NLRP8: variants seen among roughly 807,000 people sequenced by gnomAD.
NLRP8 encodes the protein NACHT, LRR and PYD domains-containing protein 8.
NLRP8 carries 86 observed loss-of-function variants against 88.7 expected under a neutral mutation model. That is an observed-to-expected ratio of 0.97 (90% CI 0.81 to 1.16). The LOEUF (loss-of-function observed/expected upper bound fraction) is 1.16, where lower values mean the gene tolerates loss of function less well. Among genes scored for constraint, NLRP8 ranks in the 50% most tolerant of loss-of-function variants. The probability of loss-of-function intolerance (pLI) is 0.00; values close to 1 mark genes in which losing one functional copy is unlikely to be tolerated. For missense variants in NLRP8, 1,342 were observed against 1,286.5 expected (o/e 1.04, Z -0.66); for synonymous variants, 504 against 494.6 (o/e 1.02, Z -0.25).
chr19:55,971,064 G>A (rs306489), intron 6 of NLRP8, among the ~76,000 whole-genome samples: 54,506 of 151,616 alleles, frequency 0.36, 10,421 homozygotes, highest in Non-Finnish European at 0.43. Context: ...GGTTGATCAG[G>A]CTCCTTAATT....
At chr19:55,968,536 T>G (rs1452031387) in intron 5 of NLRP8, among the ~76,000 whole-genome samples, 3 of 150,716 alleles carry the variant, frequency 2.0e-5, no homozygotes, top group African/African-American at 7.3e-5. Flanking sequence ...AGGTCAGGAG[T>G]TTGAGACCAG....
chr19:55,967,317 A>G (rs1206271690), intron 5 of NLRP8, among the ~76,000 whole-genome samples: 1 of 152,186 alleles, frequency 6.6e-6, no homozygotes, highest in Non-Finnish European at 1.5e-5. Flanking sequence ...GGTTTTAACC[A>G]TCCTGACCTT....
Position 55,962,145 on chromosome 19 carries a change from C to T in NLRP8, c.2121C>T (p.Val707=). 1.2e-6 allele frequency: 2 copies of T among 1,614,150 alleles called. No homozygotes were observed. The highest frequency in any genetic ancestry group is 2.2e-5 in the East Asian group (1 of 44,880). The change falls in exon 4 of 10, where the codon GTC becomes GTT. Residue 707 remains valine (V), a synonymous_variant. Coordinates refer to ENST00000291971, the MANE Select transcript of NLRP8 (RefSeq NM_176811.2). Reference sequence around the variant, plus strand: ...TTGCAACGAATGATAAGCTGGAAGTCCTGACTATGACCAACAGTGTTTTGG... The same window carrying T: ...TTGCAACGAATGATAAGCTGGAAGTTCTGACTATGACCAACAGTGTTTTGG...
chr19:55,974,136 G>T (rs562921154), intron 7 of NLRP8, among the ~76,000 whole-genome samples: 1 of 151,210 alleles, frequency 6.6e-6, no homozygotes, highest in African/African-American at 2.4e-5. Context: ...CGACTACCTC[G>T]AGGTGTAAGA....
chr19:55,962,852 C>T (rs886748112), intron 4 of NLRP8, among the ~76,000 whole-genome samples: 1 of 152,218 alleles, frequency 6.6e-6, no homozygotes, highest in African/African-American at 2.4e-5. Context: ...CAGTCCCGCA[C>T]GTGAAGCCCA....
rs1980944548 is a variant in NLRP8, at chr19:55,988,182, A to T, written c.*269A>T. ...CGAGGTGGGCAGATTACCTGAGGTC[A>T]GGAGTTCCAGACCAGCCTGGCCAAC... On this transcript the variant is annotated 3_prime_UTR_variant, in exon 10 of 10. Transcript: ENST00000291971. 4.3e-6 allele frequency: 1 copy of T among 233,278 alleles called. No individual in the cohort carries two copies. Among genetic ancestry groups the T allele is most frequent in the South Asian group, 7.8e-5 (1 of 12,742 alleles). 14.5% of individuals were successfully genotyped at this position (233,278 alleles called of 1,614,324 possible).
chr19:55,973,629 A>G (rs368907838), intron 6 of NLRP8, 23 bp from the exon 7 acceptor site: 3 of 1,571,568 alleles, frequency 1.9e-6, no homozygotes, highest in African/African-American at 1.4e-5. Flanking sequence ...CCATTCAGTC[A>G]TCTGTGTGCT....
intron 9 of NLRP8, among the ~76,000 whole-genome samples, chr19:55,980,270 A>G (rs949137126): frequency 1.1e-4 from 17 of 152,198 alleles, no homozygotes; most frequent in African/African-American, 4.1e-4. Flanking sequence ...TGACTGAAAG[A>G]AAAGTCGCAC....
intron 8 of NLRP8, 55 bp downstream of exon 8, chr19:55,976,358 T>C: frequency 7.0e-7 from 1 of 1,425,456 alleles, no homozygotes; most frequent in Non-Finnish European, 9.3e-7. Context: ...TATAAGCGTC[T>C]CTCAGGATGG....
intron 9 of NLRP8, among the ~76,000 whole-genome samples, chr19:55,987,366 T>C (rs931663294): frequency 2.6e-5 from 4 of 152,226 alleles, no homozygotes; most frequent in African/African-American, 9.6e-5. Context: ...TGAGACTTCG[T>C]CTCAAGTAAA....
chr19:55,951,713 C>T (rs1979102271), intron 1 of NLRP8, among the ~76,000 whole-genome samples: 1 of 152,132 alleles, frequency 6.6e-6, no homozygotes, highest in African/African-American at 2.4e-5. Flanking sequence ...ATACCCAACA[C>T]AATGTAAATG....
At chr19:55,985,817 A>G (rs1258864542) in intron 9 of NLRP8, among the ~76,000 whole-genome samples, 1 of 152,182 alleles carries the variant, frequency 6.6e-6, no homozygotes, top group East Asian at 1.9e-4. Flanking sequence ...GGAGTTCGAG[A>G]TCAGTTTGGC....
intron 1 of NLRP8, among the ~76,000 whole-genome samples, chr19:55,949,937 C>G (rs1427459297): frequency 1.3e-5 from 2 of 152,038 alleles, no homozygotes; most frequent in Non-Finnish European, 1.5e-5. Flanking sequence ...CTAGGAAGTC[C>G]TCTTTGAGGA....
At chr19:55,960,924 C>T (rs1331289100) in intron 3 of NLRP8, among the ~76,000 whole-genome samples, 1 of 91,838 alleles carries the variant, frequency 1.1e-5, no homozygotes, top group Admixed American at 1.5e-4. Context: ...TTTTTTGAGA[C>T]AGAGTCTCAC....
chr19:55,976,408 A>C (rs1980326686), intron 8 of NLRP8, 105 bp downstream of exon 8: 2 of 983,578 alleles, frequency 2.0e-6, no homozygotes, highest in Admixed American at 6.9e-5. Flanking sequence ...AAGTTTCTGG[A>C]TTGTTCCCTC....
chr19:55,958,498 G>A (rs1979471506), intron 3 of NLRP8, among the ~76,000 whole-genome samples: 1 of 152,180 alleles, frequency 6.6e-6, no homozygotes, highest in Non-Finnish European at 1.5e-5. Flanking sequence ...CTACAGCCAG[G>A]AGGCCAAACC....
intron 5 of NLRP8, among the ~76,000 whole-genome samples, chr19:55,967,984 A>C (rs1481738641): frequency 2.0e-5 from 3 of 152,182 alleles, no homozygotes; most frequent in Non-Finnish European, 4.4e-5. Context: ...CATCATGATG[A>C]CTCCATTCTG....
At chr19:55,977,097 C>T (rs1466109674) in intron 8 of NLRP8, among the ~76,000 whole-genome samples, 2 of 145,602 alleles carry the variant, frequency 1.4e-5, no homozygotes, top group Admixed American at 7.0e-5. Context: ...AAAAAAGATA[C>T]ATATATACAT....
chr19:55,952,032 G>A (rs149391460), intron 1 of NLRP8, among the ~76,000 whole-genome samples: 1,745 of 152,278 alleles, frequency 0.011, 40 homozygotes, highest in African/African-American at 0.04. Flanking sequence ...GATTACAGGC[G>A]TGAGCCACAG....
Sources: allele counts gnomAD v4.1 joint callset (sites outside exome capture counted in the v4.1 genomes callset), GRCh38; gene constraint gnomAD v4.1.1; transcripts MANE v1.5; gene names NCBI Gene and HGNC (gene_info 2026-07-23, HGNC 2026-07-21).